Variants in NTNG1 observed in about 807,000 individuals in gnomAD.
NTNG1 encodes the protein netrin G1.
Under a neutral mutation model 54.0 loss-of-function variants are expected in NTNG1, and 16 were observed. The observed-to-expected ratio is 0.30, with a 90% CI of 0.20 to 0.45. The LOEUF is 0.45. Among genes scored for constraint, NTNG1 ranks in the 20% least tolerant of loss-of-function variants. The pLI is 1.00. For missense variants in NTNG1, 530 were observed against 678.7 expected, an observed-to-expected ratio of 0.78 and a Z score of 2.43; for synonymous variants, 255 against 263.1, an observed-to-expected ratio of 0.97 and a Z score of 0.30.
chr1:107,332,925 G>C (rs1178135530), intron 3 of NTNG1, among the ~76,000 whole-genome samples: 1 of 151,962 alleles, frequency 6.6e-6, no homozygotes, highest in African/African-American at 2.4e-5. Context: ...CAATAGCAAA[G>C]GGGAAAGGAA....
At chr1:107,456,708 A>G (rs1390487505) in intron 7 of NTNG1, among the ~76,000 whole-genome samples, 1 of 152,176 alleles carries the variant, frequency 6.6e-6, no homozygotes, top group Admixed American at 6.5e-5. Flanking sequence ...TAGTGTTTCC[A>G]TTTGGTTTCA....
Position 107,481,038 on chromosome 1 carries a change from C to T in NTNG1, c.*198C>T. 1 of 525,590 alleles carries T rather than the reference C, an allele frequency of 1.9e-6. No homozygotes were observed. The highest frequency in any genetic ancestry group is 3.1e-5 in the South Asian group (1 of 31,906). 32.6% of individuals were successfully genotyped at this position (525,590 alleles called of 1,614,324 possible). A position where few individuals can be genotyped will look rare whatever the true frequency, so the allele number is the denominator to read the frequency against. ...CCGAGTCAAGACTGTTAATTTCTGACTCCAGAGGAGTTGGCAGCTGTTGAT... is the reference window on the plus strand; with the variant it reads ...CCGAGTCAAGACTGTTAATTTCTGATTCCAGAGGAGTTGGCAGCTGTTGAT... On this transcript the variant is annotated 3_prime_UTR_variant, in exon 8 of 8. Coordinates refer to ENST00000370068, the MANE Select transcript of NTNG1 (RefSeq NM_001113226.3).
At chr1:107,203,327 TG>T (rs1455266180) in intron 2 of NTNG1, among the ~76,000 whole-genome samples, 1 of 151,788 alleles carries the variant, frequency 6.6e-6, no homozygotes, top group African/African-American at 2.4e-5. Flanking sequence ...TCTTTTTTTT[TG>T]CTGTTTCTTC....
intron 2 of NTNG1, among the ~76,000 whole-genome samples, chr1:107,156,837 T>C (rs9988648): frequency 0.016 from 2,429 of 152,290 alleles, 71 homozygotes; most frequent in African/African-American, 0.055. Context: ...TCTGTGCTTC[T>C]GGAGGAAGAA....
At chr1:107,278,436 A>G (rs1416023586) in intron 2 of NTNG1, among the ~76,000 whole-genome samples, 1 of 152,216 alleles carries the variant, frequency 6.6e-6, no homozygotes, top group Non-Finnish European at 1.5e-5. Context: ...TTCCTTTAGT[A>G]TTCATAAGCA....
At chr1:107,289,295 A>T (rs1665424868) in intron 2 of NTNG1, among the ~76,000 whole-genome samples, 1 of 152,132 alleles carries the variant, frequency 6.6e-6, no homozygotes. Flanking sequence ...CCCCATGTAT[A>T]TGCAGCTTCA....
intron 4 of NTNG1, among the ~76,000 whole-genome samples, chr1:107,402,354 CG>C (rs1169945428): frequency 6.6e-6 from 1 of 152,150 alleles, no homozygotes; most frequent in African/African-American, 2.4e-5. Context: ...TGAAAGTTTG[CG>C]GGTTACCACT....
chr1:107,337,793 T>C (rs1024931058), intron 3 of NTNG1, among the ~76,000 whole-genome samples: 9 of 152,032 alleles, frequency 5.9e-5, no homozygotes, highest in Non-Finnish European at 8.8e-5. Context: ...TGGAGGAAGA[T>C]GTTCAACAGG....
chr1:107,318,222 C>T (rs931086255), intron 2 of NTNG1, among the ~76,000 whole-genome samples: 1 of 152,108 alleles, frequency 6.6e-6, no homozygotes, highest in Non-Finnish European at 1.5e-5. Flanking sequence ...AGACCTGTCC[C>T]GCCTGGGACA....
chr1:107,440,366 A>G (rs1244759248), intron 7 of NTNG1, among the ~76,000 whole-genome samples: 1 of 152,154 alleles, frequency 6.6e-6, no homozygotes, highest in Admixed American at 6.5e-5. Flanking sequence ...TAGACTCTGG[A>G]TTCGTAGAGA....
intron 3 of NTNG1, chr1:107,329,114 T>G (rs988823534): frequency 3.3e-5 from 5 of 152,160 alleles, no homozygotes; most frequent in Non-Finnish European, 5.9e-5. Flanking sequence ...GAACAGTATT[T>G]TTTCCTTTTT....
At chr1:107,236,319 A>C (rs923892562) in intron 2 of NTNG1, among the ~76,000 whole-genome samples, 1 of 152,202 alleles carries the variant, frequency 6.6e-6, no homozygotes, top group Non-Finnish European at 1.5e-5. Flanking sequence ...TATCCTTCAA[A>C]AGTGAAGATT....
intron 5 of NTNG1, among the ~76,000 whole-genome samples, chr1:107,414,222 G>T (rs762084314): frequency 6.6e-6 from 1 of 152,130 alleles, no homozygotes; most frequent in East Asian, 2.0e-4. Flanking sequence ...AGCTTTCCTT[G>T]GGTGCAGAAG....
chr1:107,376,814 C>A (rs955126907), intron 3 of NTNG1, among the ~76,000 whole-genome samples: 2 of 152,298 alleles, frequency 1.3e-5, no homozygotes, highest in East Asian at 1.9e-4. Context: ...GCTGCCCCCC[C>A]AGCCACCAGC....
intron 2 of NTNG1, among the ~76,000 whole-genome samples, chr1:107,184,785 C>T (rs1657329645): frequency 6.6e-6 from 1 of 152,168 alleles, no homozygotes; most frequent in Admixed American, 6.5e-5. Flanking sequence ...AAGGAACCAT[C>T]TTAAATCTTT....
At chr1:107,334,062 C>T (rs1570702126) in intron 3 of NTNG1, 1 of 151,764 alleles carries the variant, frequency 6.6e-6, no homozygotes, top group Admixed American at 6.6e-5. Context: ...TTTATTCCTC[C>T]CATATGTAAG....
chr1:107,156,852 G>A (rs1334899805), intron 2 of NTNG1, among the ~76,000 whole-genome samples: 1 of 152,174 alleles, frequency 6.6e-6, no homozygotes, highest in Admixed American at 6.5e-5. Context: ...GAAGAAGGAA[G>A]GTAGCCTTGA....
At chr1:107,302,127 T>C (rs1319349821) in intron 2 of NTNG1, among the ~76,000 whole-genome samples, 1 of 152,192 alleles carries the variant, frequency 6.6e-6, no homozygotes, top group Non-Finnish European at 1.5e-5. Context: ...CCTAAGATCT[T>C]TTTGGATAAG....
At chr1:107,372,833 G>A (rs1451054829) in intron 3 of NTNG1, among the ~76,000 whole-genome samples, 1 of 151,926 alleles carries the variant, frequency 6.6e-6, no homozygotes, top group Non-Finnish European at 1.5e-5. Flanking sequence ...AAGAATAAAC[G>A]ATTAGAATTA....
Sources: gnomAD v4.1 joint callset for allele counts (sites outside exome capture counted in the v4.1 genomes callset) on GRCh38, gnomAD v4.1.1 for gene constraint, MANE v1.5 for transcripts, NCBI Gene and HGNC (gene_info 2026-07-23, HGNC 2026-07-21) for gene names.